Variants in SLC25A26 observed in about 807,000 individuals in gnomAD.
The protein encoded by SLC25A26 is mitochondrial S-adenosylmethionine carrier protein.
In SLC25A26, 36 loss-of-function variants were observed where a neutral mutation model predicts 37.8. The observed-to-expected ratio is 0.95, with a 90% CI of 0.73 to 1.26. The LOEUF is 1.26. Among genes scored for constraint, SLC25A26 ranks in the 50% most tolerant of loss-of-function variants. The probability of loss-of-function intolerance (pLI) is 0.00; values close to 1 mark genes in which losing one functional copy is unlikely to be tolerated. For missense variants in SLC25A26, 390 were observed against 331.1 expected, an observed-to-expected ratio of 1.18 and a Z score of -1.38; for synonymous variants, 129 against 122.5, an observed-to-expected ratio of 1.05 and a Z score of -0.35.
At chr3:66,321,976 G>A (rs1193791762) in intron 5 of SLC25A26, among the ~76,000 whole-genome samples, 1 of 152,042 alleles carries the variant, frequency 6.6e-6, no homozygotes, top group Non-Finnish European at 1.5e-5. Flanking sequence ...TCAGATAACA[G>A]CATTAAGCCA....
In SLC25A26 at chr3:66,266,597, T is replaced by TTTTTA. The variant is rs57414222; in HGVS notation, c.453+3218_453+3219insTTTTA. ...CACACTTTTTTTTTTTTTTTTTTTTTACTGCATTTGATGTTTGTGGAGATT... is the reference window on the plus strand; with the variant it reads ...CACACTTTTTTTTTTTTTTTTTTTTTTTTTAACTGCATTTGATGTTTGTGGAGATT... On this transcript the variant is annotated intron_variant, in intron 5 of 9. Transcript: ENST00000354883. 2.1e-3 allele frequency among the ~76,000 whole-genome samples: 305 copies of TTTTTA among 148,746 alleles called. 4 individuals carry two copies. Among genetic ancestry groups the TTTTTA allele is most frequent in the African/African-American group, 7.3e-3 (291 of 39,842 alleles).
At chr3:66,318,213 T>C (rs1334375724) in intron 5 of SLC25A26, among the ~76,000 whole-genome samples, 3 of 152,302 alleles carry the variant, frequency 2.0e-5, no homozygotes, top group Admixed American at 2.0e-4. Flanking sequence ...CAAATACTCC[T>C]ATGTCTCAGT....
chr3:66,309,803 G>C (rs776389181), intron 5 of SLC25A26, among the ~76,000 whole-genome samples: 1 of 152,128 alleles, frequency 6.6e-6, no homozygotes, highest in Non-Finnish European at 1.5e-5. Context: ...GTGTAGTTGC[G>C]TGGTTTTGAG....
In SLC25A26 at chr3:66,346,355, T is replaced by C; in HGVS notation, c.454-9T>C. ...CCTAATTTATTTAATTTTTTTTTTC[T>C]CTCTTCAGATTCCTTTTTCTTTGGT... On this transcript the variant is annotated splice_polypyrimidine_tract_variant and intron_variant, in intron 5 of 9. Coordinates refer to ENST00000354883, the MANE Select transcript of SLC25A26 (RefSeq NM_001379210.1). The C allele has an allele frequency of 1.4e-6, 2 of 1,467,752 alleles. No individual in the cohort carries two copies. The highest frequency in any genetic ancestry group is 1.8e-6 in the Non-Finnish European group (2 of 1,095,554). The allele number at this position is 1,467,752 out of a possible 1,614,324, so 90.9% of individuals were successfully genotyped here. A position where few individuals can be genotyped will look rare whatever the true frequency, so the allele number is the denominator to read the frequency against.
chr3:66,203,573 G>A lies in SLC25A26; in HGVS notation c.-353-17169G>A, dbSNP rs1411111451. Reference sequence around the variant, plus strand: ...CTAATACATAGATGTTTGATTTTGCGTTTTTAAATTTTTAAAATAATGGGA... The same window carrying A: ...CTAATACATAGATGTTTGATTTTGCATTTTTAAATTTTTAAAATAATGGGA... On this transcript the variant is annotated intron_variant, in intron 1 of 10. Coordinates refer to the SLC25A26 transcript ENST00000676754. Among the ~76,000 whole-genome samples the A allele has an allele frequency of 2.5e-4, 38 of 152,088 alleles. No homozygotes were observed. In the South Asian group the frequency reaches 5.8e-3, roughly 23 times the overall value.
chr3:66,316,454 C>T (rs1055067979), intron 5 of SLC25A26, among the ~76,000 whole-genome samples: 16 of 152,184 alleles, frequency 1.1e-4, no homozygotes, highest in African/African-American at 3.9e-4. Context: ...CTAATGTCTT[C>T]TGGCTTGTAG....
At chr3:66,157,820 G>A (rs2070305637) in intron 1 of SLC25A26, among the ~76,000 whole-genome samples, 4 of 152,078 alleles carry the variant, frequency 2.6e-5, no homozygotes, top group South Asian at 2.1e-4. Flanking sequence ...ACAGGGTCTC[G>A]CTCTGTTGTC....
intron 5 of SLC25A26, among the ~76,000 whole-genome samples, chr3:66,318,965 A>C (rs2075617979): frequency 2.0e-5 from 3 of 152,122 alleles, no homozygotes; most frequent in Non-Finnish European, 1.5e-5. Flanking sequence ...GGACTTTTAG[A>C]TTGACAAATT....
At chr3:66,285,015 A>G (rs1354856431) in intron 5 of SLC25A26, among the ~76,000 whole-genome samples, 1 of 152,166 alleles carries the variant, frequency 6.6e-6, no homozygotes, top group African/African-American at 2.4e-5. Flanking sequence ...ACAATTAAGG[A>G]TAGTACCAAC....
intron 1 of SLC25A26, among the ~76,000 whole-genome samples, chr3:66,201,128 C>G (rs1049554405): frequency 6.6e-6 from 1 of 151,916 alleles, no homozygotes; most frequent in African/African-American, 2.4e-5. Flanking sequence ...TTCCTCCTTA[C>G]CAGGGGAAAT....
intron 5 of SLC25A26, among the ~76,000 whole-genome samples, chr3:66,306,293 T>C (rs1460974493): frequency 1.3e-5 from 2 of 152,334 alleles, no homozygotes; most frequent in East Asian, 3.9e-4. Context: ...TTCTTAACTT[T>C]GTAATAATTG....
chr3:66,284,570 G>T (rs955644095), intron 5 of SLC25A26, among the ~76,000 whole-genome samples: 7 of 151,926 alleles, frequency 4.6e-5, no homozygotes, highest in African/African-American at 1.7e-4. Flanking sequence ...TGAGATAAAT[G>T]TTTCTCAATA....
At chr3:66,257,940 T>C (rs1013667171) in intron 3 of SLC25A26, among the ~76,000 whole-genome samples, 1 of 152,220 alleles carries the variant, frequency 6.6e-6, no homozygotes, top group Non-Finnish European at 1.5e-5. Context: ...GCTCTGCCAG[T>C]CTCCATTTGA....
intron 5 of SLC25A26, among the ~76,000 whole-genome samples, chr3:66,309,860 G>T (rs975488314): frequency 7.9e-5 from 11 of 139,290 alleles, no homozygotes; most frequent in African/African-American, 3.1e-4. Flanking sequence ...TGTGGTCTGA[G>T]AGACTGTTTG....
intron 5 of SLC25A26, among the ~76,000 whole-genome samples, chr3:66,327,957 T>A (rs1473804856): frequency 6.6e-6 from 1 of 151,936 alleles, no homozygotes. Flanking sequence ...ATTGGAAAAT[T>A]TGTAACCATC....
chr3:66,366,336 C>G (rs1477758578), intron 7 of SLC25A26, among the ~76,000 whole-genome samples: 1 of 152,148 alleles, frequency 6.6e-6, no homozygotes, highest in Non-Finnish European at 1.5e-5. Context: ...AAGTCCTGGC[C>G]CCCAGCCCTT....
At chr3:66,137,527 C>T (rs1367396518) in intron 1 of SLC25A26, among the ~76,000 whole-genome samples, 3 of 151,792 alleles carry the variant, frequency 2.0e-5, no homozygotes, top group Admixed American at 2.0e-4. Context: ...CACACCCAGC[C>T]CCACACTATG....
At chr3:66,295,255 G>A (rs1266328805) in intron 5 of SLC25A26, among the ~76,000 whole-genome samples, 1 of 151,978 alleles carries the variant, frequency 6.6e-6, no homozygotes, top group African/African-American at 2.4e-5. Flanking sequence ...ACGGAGTCCC[G>A]CACTTTTGGC....
chr3:66,353,468 A>G (rs2076506546), intron 6 of SLC25A26, among the ~76,000 whole-genome samples: 2 of 152,358 alleles, frequency 1.3e-5, no homozygotes. Flanking sequence ...ACTCAGGTTC[A>G]GATCTAACTC....
Sources: allele counts gnomAD v4.1 joint callset (sites outside exome capture counted in the v4.1 genomes callset), GRCh38; gene constraint gnomAD v4.1.1; transcripts MANE v1.5; gene names NCBI Gene and HGNC (gene_info 2026-07-23, HGNC 2026-07-21).